PDCL3: variants seen among roughly 807,000 people sequenced by gnomAD.
PDCL3 encodes the protein phosducin like 3, also known as phosducin-like protein 3.
Under a neutral mutation model 26.5 loss-of-function variants are expected in PDCL3, and 22 were observed. The ratio of observed to expected loss-of-function variants is 0.83; its 90% CI spans 0.59 to 1.19. PDCL3 has a LOEUF of 1.19. Among genes scored for constraint, PDCL3 ranks in the 50% most tolerant of loss-of-function variants. The probability of loss-of-function intolerance (pLI) is 0.00; values close to 1 mark genes in which losing one functional copy is unlikely to be tolerated. For missense variants in PDCL3, 246 were observed against 294.1 expected (o/e 0.84, Z 1.20); for synonymous variants, 81 against 104.9 (o/e 0.77, Z 1.39).
rs115648040 is a variant in PDCL3 at position 100,569,553 on chromosome 2, A to G, written c.225-25A>G. The G allele has an allele frequency of 2.6e-4, 416 of 1,611,290 alleles. No individual in the cohort carries two copies. The African/African-American group carries it at 5.0e-3, about 19-fold the overall frequency. ...TGTGTACACGTGTTTGTGACGTAAG[A>G]TGTTTCTCTCCTTGTTTTGTGCAGA... is the stretch of plus-strand genomic sequence containing the variant. On this transcript the variant is annotated intron_variant, in intron 3 of 5. Coordinates refer to ENST00000264254, the MANE Select transcript of PDCL3 (RefSeq NM_024065.5).
In PDCL3 at chr2:100,566,558, C is replaced by G; in HGVS notation, c.62C>G (p.Pro21Arg). The change falls in exon 2 of 6, where the codon CCC (proline) becomes CGC (arginine). Residue 21 changes from proline (P) to arginine (R), a missense_variant. Physicochemically the swap from Pro to Arg is moderately radical, Grantham distance 103. Coordinates refer to ENST00000264254, the MANE Select transcript of PDCL3 (RefSeq NM_024065.5). ...NDILRKKGIL[P>R]PKESLKELEE... is the part of the protein sequence containing the mutation. ...ATCTTACGCAAAAAGGGTATCTTAC[C>G]CCCCAAGGAAAGTCTGAAAGAATTG... 6.2e-7 allele frequency: 1 copy of G among 1,613,810 alleles called. No individual in the cohort carries two copies. Among genetic ancestry groups the G allele is most frequent in the Non-Finnish European group, 8.5e-7 (1 of 1,179,936 alleles).
chr2:100,573,992 G>C (rs12615491), intron 5 of PDCL3, among the ~76,000 whole-genome samples: 2 of 151,304 alleles, frequency 1.3e-5, no homozygotes, highest in Admixed American at 1.3e-4. Context: ...TATATATATA[G>C]AGAGAGATAT....
rs111283698 is a variant in PDCL3 at position 100,564,285 on chromosome 2, TTTTG to T, written c.6+1232_6+1235del. ...CACCCTGTAGAAAGGATTCTGCTCT[TTTTG>T]TTTGTTTGTTTGTTTGTTTCTTTTT... On this transcript the variant is annotated intron_variant, in intron 1 of 5. Transcript: ENST00000264254. Among the ~76,000 whole-genome samples the T allele has an allele frequency of 8.5e-3, 1,279 of 149,946 alleles. 8 individuals are homozygous for T. Among genetic ancestry groups the T allele is most frequent in the Admixed American group, 0.015 (219 of 15,072 alleles).
At chr2:100,564,036 G>GCCTTGTCAGCCTCCA (rs1558694915) in intron 1 of PDCL3, among the ~76,000 whole-genome samples, 10 of 150,412 alleles carry the variant, frequency 6.6e-5, no homozygotes, top group Non-Finnish European at 8.9e-5. Flanking sequence ...GTCAGCCTCC[G>GCCTTGTCAGCCTCCA]GAGTAGCTGG....
chr2:100,574,014 T>A (rs74748531), intron 5 of PDCL3, among the ~76,000 whole-genome samples: 1 of 152,140 alleles, frequency 6.6e-6, no homozygotes, highest in East Asian at 1.9e-4. Context: ...TATATTTTTT[T>A]AATTTTTGAG....
intron 2 of PDCL3, among the ~76,000 whole-genome samples, chr2:100,568,168 G>A (rs1675095059): frequency 6.6e-6 from 1 of 152,168 alleles, no homozygotes; most frequent in Middle Eastern, 3.2e-3. Context: ...CATTAAGAGG[G>A]CCCTTGGGTA....
chr2:100,571,055 G>A (rs984241809), intron 4 of PDCL3, among the ~76,000 whole-genome samples: 9 of 146,506 alleles, frequency 6.1e-5, no homozygotes, highest in African/African-American at 2.1e-4. Flanking sequence ...CATTGCGGCC[G>A]GATCTCGAGC....
intron 4 of PDCL3, among the ~76,000 whole-genome samples, 187 bp downstream of exon 4, chr2:100,569,908 C>T (rs1013589613): frequency 1.3e-5 from 2 of 152,054 alleles, no homozygotes; most frequent in Non-Finnish European, 2.9e-5. Flanking sequence ...AGATCAAGAC[C>T]ATCCTGGCTG....
chr2:100,563,876 G>T (rs1675005395), intron 1 of PDCL3, among the ~76,000 whole-genome samples: 1 of 151,496 alleles, frequency 6.6e-6, no homozygotes, highest in South Asian at 2.1e-4. Context: ...AGGCATTAGG[G>T]GCTGGAGGGG....
intron 3 of PDCL3, among the ~76,000 whole-genome samples, 177 bp downstream of exon 3, chr2:100,569,198 C>T (rs1162189111): frequency 6.6e-6 from 1 of 151,754 alleles, no homozygotes; most frequent in Non-Finnish European, 1.5e-5. Flanking sequence ...TGAGACCAGC[C>T]TGTGAAACCC....
rs1038406902 is a variant in PDCL3 at position 100,568,915 on chromosome 2, A to G, written c.134-16A>G. 29 of 1,605,826 alleles carry G rather than the reference A, an allele frequency of 1.8e-5. No homozygotes were observed. Among genetic ancestry groups the G allele is most frequent in the African/African-American group, 4.0e-5 (3 of 74,300 alleles). The stretch of plus-strand genomic sequence containing the variant: ...CTTTTTAAATTTTTGCTTTTTGCCA[A>G]TGTAACCAAATTCAGTGAAAACATA... On this transcript the variant is annotated splice_polypyrimidine_tract_variant and intron_variant, in intron 2 of 5. Coordinates refer to ENST00000264254, the MANE Select transcript of PDCL3 (RefSeq NM_024065.5).
Position 100,563,031 on chromosome 2 carries a change from C to A in PDCL3, c.-37C>A. On this transcript the variant is annotated 5_prime_UTR_variant, in exon 1 of 6. Transcript: ENST00000264254. ...AGAGAGCTGAGGGGCGGGGGCGCTGCGGCACAGCTGGTTTGAGCAACTGAA... is the reference window on the plus strand; with the variant it reads ...AGAGAGCTGAGGGGCGGGGGCGCTGAGGCACAGCTGGTTTGAGCAACTGAA... The A allele has an allele frequency of 6.3e-7, 1 of 1,589,520 alleles. No homozygotes were observed. Among genetic ancestry groups the A allele is most frequent in the African/African-American group, 1.3e-5 (1 of 74,642 alleles).
At chr2:100,570,590 T>C (rs1675148901) in intron 4 of PDCL3, among the ~76,000 whole-genome samples, 1 of 150,932 alleles carries the variant, frequency 6.6e-6, no homozygotes, top group Non-Finnish European at 1.5e-5. Context: ...GCGATTCTCC[T>C]GCCTCTGCTC....
intron 2 of PDCL3, 102 bp downstream of exon 2, chr2:100,566,731 A>G (rs1439639007): frequency 3.3e-6 from 5 of 1,525,218 alleles, no homozygotes; most frequent in African/African-American, 1.4e-5. Context: ...CAGCATGGAC[A>G]CTCTGTGTCT....
At chr2:100,569,077 G>A in intron 3 of PDCL3, 56 bp downstream of exon 3, 2 of 1,315,212 alleles carry the variant, frequency 1.5e-6, no homozygotes, top group Non-Finnish European at 2.1e-6. Context: ...TTTTGTTTTG[G>A]TTTTTTTTTT....
chr2:100,572,368 C>A (rs992363943), intron 5 of PDCL3, among the ~76,000 whole-genome samples: 1 of 151,598 alleles, frequency 6.6e-6, no homozygotes, highest in East Asian at 1.9e-4. Flanking sequence ...CCTACCACCA[C>A]GCCCAGCTAA....
intron 1 of PDCL3, chr2:100,563,283 G>A: frequency 1.9e-6 from 1 of 527,234 alleles, no homozygotes; most frequent in South Asian, 3.4e-5. Context: ...GCCTCGGTGT[G>A]CCGGGTCCCC....
Position 100,571,496 on chromosome 2 carries a change from T to C in PDCL3, c.369-94T>C, listed in dbSNP as rs1202680583. ...GCAGCAGAATTACTTGTGAAACTGT[T>C]ACAAGGTTTTACTTAGGGTAGAAGG... On this transcript the variant is annotated intron_variant, in intron 4 of 5. Coordinates refer to ENST00000264254, the MANE Select transcript of PDCL3 (RefSeq NM_024065.5). The C allele has an allele frequency of 7.2e-6, 8 of 1,115,986 alleles. No individual in the cohort carries two copies. The East Asian group carries it at 1.9e-4, about 26-fold the overall frequency. 69.1% of individuals were successfully genotyped at this position (1,115,986 alleles called of 1,614,324 possible). A position where few individuals can be genotyped will look rare whatever the true frequency, so the allele number is the denominator to read the frequency against.
intron 3 of PDCL3, 56 bp downstream of exon 3, chr2:100,569,077 G>GTT (rs573688866): frequency 2.6e-4 from 340 of 1,312,278 alleles, no homozygotes; most frequent in South Asian, 3.6e-4. Context: ...TTTTGTTTTG[G>GTT]TTTTTTTTTT....
Sources: allele counts gnomAD v4.1 joint callset (sites outside exome capture counted in the v4.1 genomes callset), GRCh38; gene constraint gnomAD v4.1.1; transcripts MANE v1.5; gene names NCBI Gene and HGNC (gene_info 2026-07-23, HGNC 2026-07-21).